GFRAL: variants seen among roughly 807,000 people sequenced by gnomAD.
GFRAL encodes the protein GDNF family receptor alpha-like.
A neutral mutation model predicts 45.4 loss-of-function variants in GFRAL; 36 were observed. The ratio of observed to expected loss-of-function variants is 0.79; its 90% confidence interval spans 0.61 to 1.05. The LOEUF (loss-of-function observed/expected upper bound fraction) is 1.05. GFRAL is among the 50% of genes least tolerant of loss of function. GFRAL has a pLI of 0.00. For missense variants in GFRAL, 507 were observed against 467.5 expected, an observed-to-expected ratio of 1.08 and a Z score of -0.78; for synonymous variants, 166 against 154.1, an observed-to-expected ratio of 1.08 and a Z score of -0.57.
intron 4 of GFRAL, among the ~76,000 whole-genome samples, chr6:55,351,000 A>G (rs1271585351): frequency 6.6e-5 from 10 of 152,122 alleles, no homozygotes; most frequent in African/African-American, 1.9e-4. Flanking sequence ...CTTCAGCTCA[A>G]TTTTGGCCCA....
chr6:55,373,098 A>C (rs1023926953), intron 6 of GFRAL, among the ~76,000 whole-genome samples: 2 of 151,970 alleles, frequency 1.3e-5, no homozygotes, highest in Admixed American at 6.6e-5. Flanking sequence ...AAAAAAAAAA[A>C]AAAACTTCTA....
intron 1 of GFRAL, among the ~76,000 whole-genome samples, chr6:55,330,570 A>C (rs561594782): frequency 6.6e-6 from 1 of 152,310 alleles, no homozygotes; most frequent in South Asian, 2.1e-4. Flanking sequence ...GTTATTCCAG[A>C]AGAAAAAGAA....
chr6:55,331,179 T>G (rs1044344257), intron 1 of GFRAL, among the ~76,000 whole-genome samples: 1 of 152,160 alleles, frequency 6.6e-6, no homozygotes, highest in African/African-American at 2.4e-5. Flanking sequence ...GCAGAGAATG[T>G]ATAAAATGAA....
intron 3 of GFRAL, among the ~76,000 whole-genome samples, chr6:55,345,094 A>G (rs1372565660): frequency 1.3e-5 from 2 of 152,224 alleles, no homozygotes; most frequent in East Asian, 1.9e-4. Context: ...AAGAACCAAT[A>G]TCATGAAAAT....
At chr6:55,338,184 G>T (rs1767915770) in intron 3 of GFRAL, among the ~76,000 whole-genome samples, 1 of 152,044 alleles carries the variant, frequency 6.6e-6, no homozygotes, top group Non-Finnish European at 1.5e-5. Context: ...TCCTTCTCCT[G>T]GGTTCAAGCT....
At chr6:55,372,374 C>T (rs1333059567) in intron 6 of GFRAL, among the ~76,000 whole-genome samples, 3 of 152,152 alleles carry the variant, frequency 2.0e-5, no homozygotes, top group Admixed American at 6.6e-5. Context: ...AACCCAATTG[C>T]CTGTCCTCCT....
At chr6:55,389,165 T>C (rs767216847) in intron 6 of GFRAL, among the ~76,000 whole-genome samples, 14 of 152,034 alleles carry the variant, frequency 9.2e-5, no homozygotes, top group Non-Finnish European at 1.9e-4. Context: ...GTCATGGGGG[T>C]TTGTTATACA....
intron 6 of GFRAL, among the ~76,000 whole-genome samples, chr6:55,381,710 A>G (rs886161441): frequency 6.6e-6 from 1 of 151,908 alleles, no homozygotes; most frequent in Non-Finnish European, 1.5e-5. Flanking sequence ...TTTTGTAATT[A>G]CATGTTATAA....
At chr6:55,353,725 A>C (rs1451376533) in intron 5 of GFRAL, among the ~76,000 whole-genome samples, 3 of 152,060 alleles carry the variant, frequency 2.0e-5, no homozygotes, top group Admixed American at 6.6e-5. Context: ...ACATATTTTA[A>C]ATAAATTTTT....
At chr6:55,362,980 G>A (rs1446263039) in intron 6 of GFRAL, among the ~76,000 whole-genome samples, 6 of 150,246 alleles carry the variant, frequency 4.0e-5, no homozygotes, top group Non-Finnish European at 8.9e-5. Flanking sequence ...AGGAGGGGAG[G>A]AAGAAGAGGA....
chr6:55,369,243 G>T lies in GFRAL; in HGVS notation c.952+10105G>T, dbSNP rs1211659650. Among the ~76,000 whole-genome samples, 3 of 152,318 alleles carry T rather than the reference G, an allele frequency of 2.0e-5. No individual in the cohort carries two copies. The East Asian group carries it at 5.8e-4, about 29-fold the overall frequency. On this transcript the variant is annotated intron_variant, in intron 6 of 8. Coordinates refer to ENST00000340465, the MANE Select transcript of GFRAL (RefSeq NM_207410.2). ...GTCACCCCTTTCTTTGACTCAGAAA[G>T]GGAACTCCCTGACCCCTTGCGCTTC... is the stretch of plus-strand genomic sequence containing the variant.
At chr6:55,381,021 A>T (rs1768600960) in intron 6 of GFRAL, among the ~76,000 whole-genome samples, 1 of 151,936 alleles carries the variant, frequency 6.6e-6, no homozygotes, top group South Asian at 2.1e-4. Context: ...ATTTTCCAAC[A>T]CTTTTCCTTT....
At chr6:55,384,115 C>T (rs1213353483) in intron 6 of GFRAL, among the ~76,000 whole-genome samples, 2 of 151,864 alleles carry the variant, frequency 1.3e-5, no homozygotes, top group Admixed American at 6.6e-5. Context: ...CACACTGGGG[C>T]CTGTTGGGGG....
intron 2 of GFRAL, among the ~76,000 whole-genome samples, chr6:55,333,527 C>A (rs1310283108): frequency 6.6e-6 from 1 of 152,006 alleles, no homozygotes. Flanking sequence ...TACTGAAAAG[C>A]AAGAAATGAT....
intron 3 of GFRAL, among the ~76,000 whole-genome samples, chr6:55,345,207 T>C (rs112840676): frequency 0.017 from 2,652 of 152,218 alleles, 77 homozygotes; most frequent in African/African-American, 0.06. Flanking sequence ...AAAGTTCATA[T>C]GGAACCAAAA....
Position 55,369,472 on chromosome 6 carries a change from T to C in GFRAL, c.952+10334T>C, listed in dbSNP as rs550281525. ...TCGGCCATCTTGGCTCCTCCCTGCT[T>C]AATTCTTTTTAAAGGTCATATCATA... is the stretch of plus-strand genomic sequence containing the variant. On this transcript the variant is annotated intron_variant, in intron 6 of 8. Coordinates refer to ENST00000340465, the MANE Select transcript of GFRAL (RefSeq NM_207410.2). Among the ~76,000 whole-genome samples, 27 of 152,244 alleles carry C rather than the reference T, an allele frequency of 1.8e-4. 2 individuals are homozygous for C. The highest frequency in any genetic ancestry group is 6.3e-4 in the African/African-American group (26 of 41,570).
At chr6:55,349,233 T>C (rs977404703) in intron 3 of GFRAL, among the ~76,000 whole-genome samples, 9 of 152,140 alleles carry the variant, frequency 5.9e-5, no homozygotes, top group African/African-American at 2.2e-4. Flanking sequence ...ATCTTATATG[T>C]GCACTAGACT....
intron 2 of GFRAL, 131 bp downstream of exon 2, chr6:55,331,980 A>C: frequency 1.3e-6 from 1 of 775,268 alleles, no homozygotes; most frequent in South Asian, 1.9e-5. Flanking sequence ...ACCCCCATCG[A>C]TTCACTTTTA....
At position 55,378,695 on chromosome 6, in the gene GFRAL, G is replaced by GTT. The variant is rs147034205; in HGVS notation, c.952+19564_952+19565dup. On this transcript the variant is annotated intron_variant, in intron 6 of 8. Coordinates refer to ENST00000340465, the MANE Select transcript of GFRAL (RefSeq NM_207410.2). ...TTTTCTACAGTCTTCCAAGTCTGCT[G>GTT]TTTTTTTTAATCCCTTTGACCAAGC... Among the ~76,000 whole-genome samples, 8 of 151,714 alleles carry GTT rather than the reference G, an allele frequency of 5.3e-5. No homozygotes were observed. In the East Asian group the frequency reaches 1.6e-3, roughly 30 times the overall value.
Sources: gnomAD v4.1 joint callset for allele counts (sites outside exome capture counted in the v4.1 genomes callset) on GRCh38, gnomAD v4.1.1 for gene constraint, MANE v1.5 for transcripts, NCBI Gene and HGNC (gene_info 2026-07-23, HGNC 2026-07-21) for gene names.